The following SLC24A2 variants were observed in gnomAD, a reference collection of about 807,000 sequenced individuals.
SLC24A2 encodes the protein sodium/potassium/calcium exchanger 2.
In SLC24A2, 36 loss-of-function variants were observed where a neutral mutation model predicts 62.0. That is an observed-to-expected ratio of 0.58 (90% CI 0.44 to 0.77). The LOEUF is 0.77. Among genes scored for constraint, SLC24A2 ranks in the 30% least tolerant of loss-of-function variants. The pLI is 0.00. For missense variants in SLC24A2, 846 were observed against 817.9 expected (o/e 1.03, Z -0.42); for synonymous variants, 358 against 294.0 (o/e 1.22, Z -2.23).
intron 7 of SLC24A2, among the ~76,000 whole-genome samples, chr9:19,559,850 C>T (rs942998588): frequency 1.8e-4 from 28 of 152,280 alleles, no homozygotes; most frequent in African/African-American, 6.7e-4. Context: ...TACTAATGAC[C>T]TTCCTTATGT....
chr9:19,940,973 T>C, the SLC24A2 span, among the ~76,000 whole-genome samples: 1 of 152,242 alleles, frequency 6.6e-6, no homozygotes, highest in Non-Finnish European at 1.5e-5. Flanking sequence ...GGGCAGAAGA[T>C]GCTGTGTTCT....
chr9:20,180,816 G>C, the SLC24A2 span, among the ~76,000 whole-genome samples: 1 of 152,126 alleles, frequency 6.6e-6, no homozygotes, highest in Non-Finnish European at 1.5e-5. Context: ...AAGACAAATG[G>C]AAAGTTAAGA....
the SLC24A2 span, among the ~76,000 whole-genome samples, chr9:19,809,554 C>T: frequency 6.6e-6 from 1 of 152,052 alleles, no homozygotes; most frequent in Non-Finnish European, 1.5e-5. Flanking sequence ...TAAAATCGAG[C>T]TGCAGACATA....
Position 19,557,968 on chromosome 9 carries a change from C to T in SLC24A2, c.1348-7700G>A, listed in dbSNP as rs1835182106. On this transcript the variant is annotated intron_variant, in intron 7 of 10. Transcript: ENST00000341998. ...CCAAGTAGCTGAGACTACACGTATG[C>T]ACCACCATGGCTAATTTTTGTTTAT... Among the ~76,000 whole-genome samples the T allele has an allele frequency of 2.6e-5, 4 of 152,110 alleles. 1 individual carries two copies. The highest frequency in any genetic ancestry group is 6.6e-5 in the Admixed American group (1 of 15,266).
chr9:19,769,863 T>C (rs1822632296), intron 2 of SLC24A2, among the ~76,000 whole-genome samples: 1 of 152,038 alleles, frequency 6.6e-6, no homozygotes, highest in African/African-American at 2.4e-5. Flanking sequence ...TACACTTGTG[T>C]CTGTGGGGGG....
At chr9:20,207,994 A>C in the SLC24A2 span, among the ~76,000 whole-genome samples, 2 of 152,262 alleles carry the variant, frequency 1.3e-5, no homozygotes, top group African/African-American at 2.4e-5. Flanking sequence ...AGACACAAAC[A>C]GAACCTCTGC....
chr9:19,795,665 A>G, the SLC24A2 span, among the ~76,000 whole-genome samples: 1 of 152,092 alleles, frequency 6.6e-6, no homozygotes, highest in African/African-American at 2.4e-5. Flanking sequence ...TACCTACTAA[A>G]TTCTTATCAG....
At chr9:20,184,505 C>T in the SLC24A2 span, among the ~76,000 whole-genome samples, 7 of 152,210 alleles carry the variant, frequency 4.6e-5, no homozygotes, top group East Asian at 3.9e-4. Context: ...GCTGAGATCA[C>T]GCCACTGCAC....
chr9:20,133,720 TA>T, the SLC24A2 span, among the ~76,000 whole-genome samples: 1 of 152,112 alleles, frequency 6.6e-6, no homozygotes, highest in African/African-American at 2.4e-5. Context: ...ACCCAACTCT[TA>T]AAAGCCATAA....
intron 2 of SLC24A2, among the ~76,000 whole-genome samples, chr9:19,694,725 G>A (rs1820135576): frequency 6.6e-6 from 1 of 152,142 alleles, no homozygotes; most frequent in African/African-American, 2.4e-5. Flanking sequence ...AGAGGTAAAA[G>A]AATACAAATC....
the SLC24A2 span, among the ~76,000 whole-genome samples, chr9:20,292,058 T>C: frequency 6.6e-6 from 1 of 152,204 alleles, no homozygotes; most frequent in Admixed American, 6.5e-5. Context: ...CAGCCTGCAC[T>C]GGACTCCTGG....
chr9:19,770,088 C>T (rs1264913979), intron 2 of SLC24A2, among the ~76,000 whole-genome samples: 1 of 151,030 alleles, frequency 6.6e-6, no homozygotes, highest in Non-Finnish European at 1.5e-5. Context: ...AGACTGCATT[C>T]GCTGCTTCTA....
At position 19,509,938 on chromosome 9, in the gene SLC24A2, CAA is replaced by C. The variant is rs1319114423; in HGVS notation, c.*6213_*6214del. 1.3e-5 allele frequency: 2 copies of C among 152,124 alleles called. No homozygotes were observed. The highest frequency in any genetic ancestry group is 2.9e-5 in the Non-Finnish European group (2 of 68,012). The allele number at this position is 152,124 out of a possible 1,614,324, so 9.4% of individuals were successfully genotyped here. On this transcript the variant is annotated 3_prime_UTR_variant, in exon 11 of 11. Coordinates refer to ENST00000341998, the MANE Select transcript of SLC24A2 (RefSeq NM_020344.4). The stretch of plus-strand genomic sequence containing the variant: ...TACAAATCCTATCCAACCTACCACA[CAA>C]AAGGATATAAACACACTGCAGTACT...
the SLC24A2 span, among the ~76,000 whole-genome samples, chr9:20,217,839 C>T: frequency 2.4e-4 from 36 of 152,196 alleles, 1 homozygote; most frequent in Non-Finnish European, 1.0e-4. Context: ...TATTCCTGAT[C>T]CCAGTTTGCT....
chr9:20,006,667 C>A, the SLC24A2 span, among the ~76,000 whole-genome samples: 1 of 152,042 alleles, frequency 6.6e-6, no homozygotes. Context: ...CTTTAGACCT[C>A]ATCAAGGCCT....
chr9:20,191,001 T>C, the SLC24A2 span, among the ~76,000 whole-genome samples: 641 of 152,314 alleles, frequency 4.2e-3, 8 homozygotes, highest in African/African-American at 0.014. Context: ...AACAGCAATT[T>C]CCACACTAAC....
the SLC24A2 span, among the ~76,000 whole-genome samples, chr9:19,825,561 C>G: frequency 6.6e-6 from 1 of 151,964 alleles, no homozygotes; most frequent in African/African-American, 2.4e-5. Flanking sequence ...AAGTAGACAC[C>G]TGATAACTAG....
the SLC24A2 span, among the ~76,000 whole-genome samples, chr9:20,228,455 C>A: frequency 6.6e-6 from 1 of 151,726 alleles, no homozygotes; most frequent in Admixed American, 6.6e-5. Flanking sequence ...AGTAAGAGAG[C>A]TGGCACCCCA....
the SLC24A2 span, among the ~76,000 whole-genome samples, chr9:20,096,163 T>A: frequency 1.3e-5 from 2 of 152,078 alleles, no homozygotes; most frequent in African/African-American, 4.8e-5. Context: ...TAAAACAGAA[T>A]CCTTAGTAAT....
Sources: allele counts gnomAD v4.1 joint callset (sites outside exome capture counted in the v4.1 genomes callset), GRCh38; gene constraint gnomAD v4.1.1; transcripts MANE v1.5; gene names NCBI Gene and HGNC (gene_info 2026-07-23, HGNC 2026-07-21).